The following PTPRT variants were observed in gnomAD, a reference collection of about 807,000 sequenced individuals.
The protein encoded by PTPRT is receptor-type tyrosine-protein phosphatase T.
A neutral mutation model predicts 176.8 loss-of-function variants in PTPRT; 56 were observed. The ratio of observed to expected loss-of-function variants is 0.32; its 90% confidence interval spans 0.26 to 0.40. The LOEUF (loss-of-function observed/expected upper bound fraction) is 0.40. PTPRT is among the 10% of genes least tolerant of loss of function. The pLI, the probability that PTPRT is intolerant of heterozygous loss-of-function variation, is 1.00. For synonymous variants in PTPRT, 783 were observed against 739.0 expected (o/e 1.06, Z -0.96); for missense variants, 1,540 against 1,908.2 (o/e 0.81, Z 3.60).
chr20:42,066,847 T>C, the PTPRT span, among the ~76,000 whole-genome samples: 12 of 152,208 alleles, frequency 7.9e-5, no homozygotes, highest in African/African-American at 2.4e-4. Flanking sequence ...TTGTGTTTTC[T>C]CTCGATTAGA....
In PTPRT at chr20:42,759,369, T is replaced by C. The variant is rs145658342; in HGVS notation, c.685-2733A>G. On this transcript the variant is annotated intron_variant, in intron 5 of 30. Transcript: ENST00000373187. ...AGGCACACTTCTTATCGCTGTCATA[T>C]ATAAGAGGAAACTGGGCTGGGCGTG... 2.0e-5 allele frequency among the ~76,000 whole-genome samples: 3 copies of C among 152,342 alleles called. No individual in the cohort carries two copies. In the East Asian group the frequency reaches 5.8e-4, roughly 29 times the overall value.
intron 11 of PTPRT, 125 bp downstream of exon 11, chr20:42,350,503 C>A (rs2058267294): frequency 4.9e-6 from 4 of 819,764 alleles, no homozygotes; most frequent in Middle Eastern, 2.5e-4. Flanking sequence ...TGACCTCCTT[C>A]CTCCGAGGAA....
chr20:42,178,711 T>C (rs1990396119), intron 16 of PTPRT, among the ~76,000 whole-genome samples: 1 of 152,206 alleles, frequency 6.6e-6, no homozygotes, highest in Non-Finnish European at 1.5e-5. Flanking sequence ...GGTAATGATC[T>C]CATCTGAAGA....
At chr20:42,979,208 T>C (rs970312136) in intron 1 of PTPRT, among the ~76,000 whole-genome samples, 1 of 152,110 alleles carries the variant, frequency 6.6e-6, no homozygotes, top group African/African-American at 2.4e-5. Flanking sequence ...CTTACATGAG[T>C]TGTAAGAAAA....
At chr20:42,200,882 A>G (rs6102726) in intron 15 of PTPRT, among the ~76,000 whole-genome samples, 40 of 152,322 alleles carry the variant, frequency 2.6e-4, no homozygotes, top group African/African-American at 9.6e-4. Context: ...CTCAACACAC[A>G]AAAAGGGCTG....
chr20:42,374,457 C>A (rs962164512), intron 9 of PTPRT, among the ~76,000 whole-genome samples: 1 of 152,084 alleles, frequency 6.6e-6, no homozygotes, highest in Non-Finnish European at 1.5e-5. Context: ...GTTTAAAAAT[C>A]ATACGGTAAT....
intron 6 of PTPRT, among the ~76,000 whole-genome samples, chr20:42,740,089 C>T (rs551919213): frequency 4.2e-4 from 64 of 152,316 alleles, no homozygotes; most frequent in Non-Finnish European, 7.9e-4. Flanking sequence ...CAGAATCCTT[C>T]CCTGGGACTG....
chr20:42,279,394 C>T (rs2057101745), intron 13 of PTPRT, among the ~76,000 whole-genome samples: 1 of 152,002 alleles, frequency 6.6e-6, no homozygotes, highest in Admixed American at 6.6e-5. Flanking sequence ...CCAAGAAATG[C>T]CAAAGATTTG....
chr20:42,181,275 G>C (rs931651985), intron 16 of PTPRT, among the ~76,000 whole-genome samples: 1 of 152,208 alleles, frequency 6.6e-6, no homozygotes, highest in Admixed American at 6.5e-5. Context: ...CTCTGGAGGA[G>C]AGAGGGGAGA....
chr20:42,569,628 G>T (rs2073119837), intron 7 of PTPRT, among the ~76,000 whole-genome samples: 1 of 152,082 alleles, frequency 6.6e-6, no homozygotes, highest in South Asian at 2.1e-4. Flanking sequence ...AGAGCACCCA[G>T]GGAGGCAGAA....
chr20:42,571,785 T>C (rs1259497377), intron 7 of PTPRT, among the ~76,000 whole-genome samples: 6 of 152,108 alleles, frequency 3.9e-5, no homozygotes, highest in Non-Finnish European at 1.5e-5. Context: ...CATTCACTTC[T>C]TTCCATCTTA....
chr20:42,096,171 A>G (rs6016681), intron 27 of PTPRT, among the ~76,000 whole-genome samples: 9,260 of 152,208 alleles, frequency 0.061, 362 homozygotes, highest in African/African-American at 0.087. Context: ...TTTATTGTCT[A>G]CACATTTGCA....
At chr20:43,127,687 T>A (rs76931035) in intron 1 of PTPRT, among the ~76,000 whole-genome samples, 17,413 of 152,132 alleles carry the variant, frequency 0.11, 1,335 homozygotes, top group Non-Finnish European at 0.17. Context: ...AGAGGGATGT[T>A]AAAGAGCCCA....
intron 6 of PTPRT, among the ~76,000 whole-genome samples, chr20:42,744,553 T>C (rs1233063725): frequency 6.6e-6 from 1 of 152,242 alleles, no homozygotes; most frequent in Non-Finnish European, 1.5e-5. Context: ...GGGTTTCTAA[T>C]GGCTTTTTTT....
At chr20:42,247,530 T>C (rs978808928) in intron 14 of PTPRT, among the ~76,000 whole-genome samples, 10 of 152,196 alleles carry the variant, frequency 6.6e-5, no homozygotes, top group African/African-American at 1.7e-4. Context: ...TTTCATCCTA[T>C]AGATGGAAGC....
At chr20:42,698,190 A>T (rs2075913624) in intron 6 of PTPRT, among the ~76,000 whole-genome samples, 1 of 152,150 alleles carries the variant, frequency 6.6e-6, no homozygotes. Context: ...GCTAGTGTGT[A>T]CTCAAGATTG....
intron 1 of PTPRT, among the ~76,000 whole-genome samples, chr20:42,995,965 G>T (rs1984197395): frequency 1.3e-5 from 2 of 152,016 alleles, no homozygotes; most frequent in East Asian, 3.9e-4. Flanking sequence ...ACAGGCATAT[G>T]TCGCACATCA....
chr20:42,648,233 C>T (rs922009792), intron 7 of PTPRT, among the ~76,000 whole-genome samples: 2 of 152,014 alleles, frequency 1.3e-5, no homozygotes, highest in Non-Finnish European at 2.9e-5. Flanking sequence ...CAGACTCCTC[C>T]ATCACTTCAA....
the PTPRT span, among the ~76,000 whole-genome samples, chr20:42,046,749 C>T: frequency 1.3e-5 from 2 of 151,534 alleles, no homozygotes; most frequent in Admixed American, 6.6e-5. Flanking sequence ...CTGCTGGTTA[C>T]GTGTACACAT....
Sources: allele counts gnomAD v4.1 joint callset (sites outside exome capture counted in the v4.1 genomes callset), GRCh38; gene constraint gnomAD v4.1.1; transcripts MANE v1.5; gene names NCBI Gene and HGNC (gene_info 2026-07-23, HGNC 2026-07-21).